ARHGAP5: variants seen among roughly 807,000 people sequenced by gnomAD.
ARHGAP5 encodes Rho GTPase activating protein 5.
ARHGAP5 carries 23 observed loss-of-function variants against 116.6 expected under a neutral mutation model. That is an observed-to-expected ratio of 0.20 (90% CI 0.14 to 0.28). The LOEUF (loss-of-function observed/expected upper bound fraction) is 0.28. Among genes scored for constraint, ARHGAP5 ranks in the 10% least tolerant of loss-of-function variants. The pLI is 1.00. For synonymous variants in ARHGAP5, 574 were observed against 602.0 expected, an observed-to-expected ratio of 0.95 and a Z score of 0.68; for missense variants, 1,405 against 1,774.8, an observed-to-expected ratio of 0.79 and a Z score of 3.74.
At chr14:32,082,222 C>T (rs948070243) in intron 1 of ARHGAP5, among the ~76,000 whole-genome samples, 1 of 152,174 alleles carries the variant, frequency 6.6e-6, no homozygotes, top group Non-Finnish European at 1.5e-5. Context: ...TAGATTTCTA[C>T]TCTTCTGTAT....
chr14:32,123,034 T>C (rs929045781), intron 3 of ARHGAP5, among the ~76,000 whole-genome samples: 1 of 152,136 alleles, frequency 6.6e-6, no homozygotes, highest in Admixed American at 6.5e-5. Flanking sequence ...ATCTCATACC[T>C]AGTGAGATTT....
chr14:32,151,261 GTAA>G (rs771542828), intron 5 of ARHGAP5, among the ~76,000 whole-genome samples: 2 of 152,206 alleles, frequency 1.3e-5, no homozygotes, highest in African/African-American at 4.8e-5. Flanking sequence ...AATGTTGTTA[GTAA>G]TTGGTTATGC....
At chr14:32,129,479 A>G (rs1880363571) in intron 3 of ARHGAP5, among the ~76,000 whole-genome samples, 1 of 152,226 alleles carries the variant, frequency 6.6e-6, no homozygotes, top group Non-Finnish European at 1.5e-5. Flanking sequence ...AAGGATAAAC[A>G]TTAATAGCCT....
intron 3 of ARHGAP5, among the ~76,000 whole-genome samples, chr14:32,129,388 C>G (rs1336649106): frequency 6.6e-6 from 1 of 151,992 alleles, no homozygotes. Context: ...TCTGGAACGC[C>G]CCACTATGAC....
In ARHGAP5 at chr14:32,155,826, C is replaced by T. The variant is rs967702266; in HGVS notation, c.*878C>T. ...TATAGTGTAGAAAATACTTCCATGA[C>T]ATTTTCATATAAGGTTATATAACTT... is the stretch of plus-strand genomic sequence containing the variant. On this transcript the variant is annotated 3_prime_UTR_variant, in exon 7 of 7. Transcript: ENST00000345122. The T allele has an allele frequency of 1.6e-4, 24 of 152,482 alleles. No individual in the cohort carries two copies. Among genetic ancestry groups the T allele is most frequent in the Non-Finnish European group, 2.1e-4 (14 of 67,976 alleles). The allele number at this position is 152,482 out of a possible 1,614,324, so 9.4% of individuals were successfully genotyped here.
chr14:32,143,239 G>GTTA lies in ARHGAP5; in HGVS notation c.3866-3006_3866-3004dup, dbSNP rs879687026. ...TGTTGTTGTTGTTGTTGTTGTTGTT[G>GTTA]TTATTATTATTATTATTATTTGAGA... On this transcript the variant is annotated intron_variant, in intron 3 of 6. Coordinates refer to ENST00000345122, the MANE Select transcript of ARHGAP5 (RefSeq NM_001030055.2). Among the ~76,000 whole-genome samples, 272 of 143,972 alleles carry GTTA rather than the reference G, an allele frequency of 1.9e-3. 1 individual carries two copies. Among genetic ancestry groups the GTTA allele is most frequent in the East Asian group, 0.01 (50 of 4,956 alleles). 94.5% of individuals were successfully genotyped at this position (143,972 alleles called of 152,430 possible). A position where few individuals can be genotyped will look rare whatever the true frequency, so the allele number is the denominator to read the frequency against.
At chr14:32,134,670 AAC>A (rs1391664821) in intron 3 of ARHGAP5, among the ~76,000 whole-genome samples, 1 of 152,228 alleles carries the variant, frequency 6.6e-6, no homozygotes, top group Non-Finnish European at 1.5e-5. Context: ...ACATACTCTA[AAC>A]ACAGCACAGA....
At chr14:32,110,942 T>G (rs1460950130) in intron 2 of ARHGAP5, among the ~76,000 whole-genome samples, 2 of 152,200 alleles carry the variant, frequency 1.3e-5, no homozygotes, top group Admixed American at 1.3e-4. Context: ...GCAGATAGAT[T>G]ACATTTTAAG....
rs1259923466 is a variant in ARHGAP5 at position 32,091,761 on chromosome 14, T to C, written c.1092T>C (p.Ala364=). 3 of 1,613,640 alleles carry C rather than the reference T, an allele frequency of 1.9e-6. No individual in the cohort carries two copies. In the South Asian group the frequency reaches 3.3e-5, roughly 18 times the overall value. ...EEIEHLNWSE[A]LKLMEKRADF... The stretch of plus-strand genomic sequence containing the variant: ...TTGAACATTTGAATTGGTCAGAAGC[T>C]TTGAAGTTAATGGAAAAGAGAGCAG... Residue 364 remains alanine (A), a synonymous_variant, in exon 2 of 7, where the codon GCT becomes GCC. Transcript: ENST00000345122.
Position 32,077,336 on chromosome 14 carries a change from A to AGGC in ARHGAP5, c.-256_-254dup, listed in dbSNP as rs760245380. ...AGAGGCGAGCGGAGAGTGGAGGAGGAGGCGGCGGCGGCGGGAGCGGTCCCC... is the reference window on the plus strand; with the variant it reads ...AGAGGCGAGCGGAGAGTGGAGGAGGAGGCGGCGGCGGCGGCGGGAGCGGTCCCC... On this transcript the variant is annotated 5_prime_UTR_variant, in exon 1 of 7. Coordinates refer to ENST00000345122, the MANE Select transcript of ARHGAP5 (RefSeq NM_001030055.2). 1.2e-4 allele frequency: 72 copies of AGGC among 607,224 alleles called. No individual in the cohort carries two copies. The highest frequency in any genetic ancestry group is 8.6e-4 in the Middle Eastern group (2 of 2,332). 37.6% of individuals were successfully genotyped at this position (607,224 alleles called of 1,614,324 possible). A position where few individuals can be genotyped will look rare whatever the true frequency, so the allele number is the denominator to read the frequency against.
In ARHGAP5 at chr14:32,154,739, C is replaced by A. The variant is rs1881813142; in HGVS notation, c.4300C>A (p.His1434Asn). ...AGAGTTTCTGTCTACTACTAAGATTCATCAATCTGTTGTTGAAACATTCAT... is the reference window on the plus strand; with the variant it reads ...AGAGTTTCTGTCTACTACTAAGATTAATCAATCTGTTGTTGAAACATTCAT... Reference protein sequence around the residue: ...NREFLSTTKIHQSVVETFIQQ... With the variant: ...NREFLSTTKINQSVVETFIQQ... The change falls in exon 7 of 7, where the codon CAT becomes AAT. Residue 1434 changes from histidine to asparagine, a missense_variant. By Grantham distance (68) the His-to-Asn change is moderately conservative (BLOSUM62 1). This residue lies in a region of ARHGAP5 where 85 missense variants were observed against 96.6 expected (regional missense o/e 0.88). Transcript: ENST00000345122. 3 of 1,613,982 alleles carry A rather than the reference C, an allele frequency of 1.9e-6. No individual in the cohort carries two copies. The highest frequency in any genetic ancestry group is 2.7e-5 in the African/African-American group (2 of 74,920).
At position 32,155,394 on chromosome 14, in the gene ARHGAP5, G is replaced by T. The variant is rs895190743; in HGVS notation, c.*446G>T. 2 of 154,582 alleles carry T rather than the reference G, an allele frequency of 1.3e-5. No individual in the cohort carries two copies. The highest frequency in any genetic ancestry group is 4.8e-5 in the African/African-American group (2 of 41,568). 9.6% of individuals were successfully genotyped at this position (154,582 alleles called of 1,614,324 possible). The stretch of plus-strand genomic sequence containing the variant: ...AACTTAATTTACATTCTGGCAGTCG[G>T]TGTAGATAACTAAAAGCCCAGTTAA... On this transcript the variant is annotated 3_prime_UTR_variant, in exon 7 of 7. Coordinates refer to ENST00000345122, the MANE Select transcript of ARHGAP5 (RefSeq NM_001030055.2).
intron 2 of ARHGAP5, among the ~76,000 whole-genome samples, chr14:32,112,018 C>T (rs1454312329): frequency 2.0e-5 from 3 of 151,912 alleles, no homozygotes; most frequent in Admixed American, 6.6e-5. Flanking sequence ...GGTGTTTCAC[C>T]ATGTTGGCCA....
At chr14:32,127,315 C>G (rs1171316468) in intron 3 of ARHGAP5, among the ~76,000 whole-genome samples, 1 of 151,958 alleles carries the variant, frequency 6.6e-6, no homozygotes, top group Non-Finnish European at 1.5e-5. Context: ...GGCAGAGGAC[C>G]CTGCAGCCTT....
intron 3 of ARHGAP5, among the ~76,000 whole-genome samples, chr14:32,135,092 C>G (rs965262859): frequency 6.6e-6 from 1 of 152,162 alleles, no homozygotes; most frequent in African/African-American, 2.4e-5. Flanking sequence ...AGGGAAGACT[C>G]AGTATATAGC....
chr14:32,114,496 G>A lies in ARHGAP5; in HGVS notation c.3718-2644G>A, dbSNP rs369618209. 2.0e-5 allele frequency among the ~76,000 whole-genome samples: 3 copies of A among 152,058 alleles called. No individual in the cohort carries two copies. The South Asian group carries it at 6.2e-4, about 32-fold the overall frequency. On this transcript the variant is annotated intron_variant, in intron 2 of 6. Coordinates refer to ENST00000345122, the MANE Select transcript of ARHGAP5 (RefSeq NM_001030055.2). The stretch of plus-strand genomic sequence containing the variant: ...GGTCGAAGTGGAGGGATCATTTAAG[G>A]AATAAGGATCCACACCACTTGACTT...
At position 32,157,827 on chromosome 14, in the gene ARHGAP5, TG is replaced by T. The variant is rs943424277; in HGVS notation, c.*2880del. ...CTGGGTTTTTTTGTTTATTTGGGTTTGTTTTTTTTTTTGAGGTACTGGAATC... is the reference window on the plus strand; with the variant it reads ...CTGGGTTTTTTTGTTTATTTGGGTTTTTTTTTTTTTTGAGGTACTGGAATC... On this transcript the variant is annotated 3_prime_UTR_variant, in exon 7 of 7. Transcript: ENST00000345122. 3.3e-5 allele frequency: 5 copies of T among 150,796 alleles called. No homozygotes were observed. The highest frequency in any genetic ancestry group is 3.0e-5 in the Non-Finnish European group (2 of 67,402). 9.3% of individuals were successfully genotyped at this position (150,796 alleles called of 1,614,324 possible). A position where few individuals can be genotyped will look rare whatever the true frequency, so the allele number is the denominator to read the frequency against.
chr14:32,110,025 G>A (rs1879208139), intron 2 of ARHGAP5, among the ~76,000 whole-genome samples: 1 of 151,868 alleles, frequency 6.6e-6, no homozygotes, highest in Non-Finnish European at 1.5e-5. Context: ...ATTTTTCCTG[G>A]TACATAGTAA....
intron 2 of ARHGAP5, among the ~76,000 whole-genome samples, chr14:32,105,211 G>A (rs1351616979): frequency 6.6e-6 from 1 of 152,056 alleles, no homozygotes; most frequent in East Asian, 1.9e-4. Flanking sequence ...TTCCATATAG[G>A]TCATAGCGTT....
Sources: allele counts gnomAD v4.1 joint callset (sites outside exome capture counted in the v4.1 genomes callset), GRCh38; gene constraint gnomAD v4.1.1; regional missense constraint gnomAD v4.1.1; transcripts MANE v1.5; gene names NCBI Gene and HGNC (gene_info 2026-07-23, HGNC 2026-07-21).